AGAP1: variants seen among roughly 807,000 people sequenced by gnomAD.
AGAP1 encodes the protein arf-GAP with GTPase, ANK repeat and PH domain-containing protein 1.
AGAP1 carries 29 observed loss-of-function variants against 105.3 expected under a neutral mutation model. The observed-to-expected ratio is 0.28, with a 90% CI of 0.21 to 0.38. The LOEUF is 0.38. Ranked by LOEUF, AGAP1 falls within the 10% of genes least tolerant of loss-of-function variation. The probability of loss-of-function intolerance (pLI) is 1.00; values close to 1 mark genes in which losing one functional copy is unlikely to be tolerated. For missense variants in AGAP1, 998 were observed against 1,165.1 expected, an observed-to-expected ratio of 0.86 and a Z score of 2.09; for synonymous variants, 509 against 485.9, an observed-to-expected ratio of 1.05 and a Z score of -0.63.
chr2:235,811,594 C>T (rs1047049621), intron 9 of AGAP1, among the ~76,000 whole-genome samples: 2 of 152,186 alleles, frequency 1.3e-5, no homozygotes, highest in Non-Finnish European at 2.9e-5. Context: ...GTCCCTGGTT[C>T]GTGGTTGGAC....
chr2:236,120,522 T>C lies in AGAP1; in HGVS notation c.2370+75T>C. The C allele has an allele frequency of 2.5e-6, 4 of 1,581,528 alleles. No individual in the cohort carries two copies. The highest frequency in any genetic ancestry group is 3.4e-6 in the Non-Finnish European group (4 of 1,165,994). ...CTGCTTTGTTCTGCTTCCGTGGGCA[T>C]CTTTCTGGCAGAAGGCTGTTGTTCT... On this transcript the variant is annotated intron_variant, in intron 17 of 17. Coordinates refer to ENST00000304032, the MANE Select transcript of AGAP1 (RefSeq NM_001037131.3). The surrounding 1 kb of genome is among the most constrained non-coding windows in gnomAD (Gnocchi z 6.0).
intron 13 of AGAP1, among the ~76,000 whole-genome samples, chr2:236,021,243 G>A (rs910944362): frequency 5.3e-5 from 8 of 151,552 alleles, no homozygotes; most frequent in Non-Finnish European, 4.4e-5. Context: ...TAGAATTGAC[G>A]TTTTGGGAAG....
intron 1 of AGAP1, among the ~76,000 whole-genome samples, chr2:235,651,839 G>A (rs546286699): frequency 3.2e-4 from 48 of 152,116 alleles, no homozygotes; most frequent in Admixed American, 1.0e-3. Context: ...ATTTATACTC[G>A]TATCTTGTTC....
intron 1 of AGAP1, among the ~76,000 whole-genome samples, chr2:235,572,155 A>G (rs185342108): frequency 4.6e-5 from 7 of 151,814 alleles, no homozygotes; most frequent in South Asian, 4.2e-4. Context: ...GGCAAATGCA[A>G]TGAAGAAAGT....
chr2:235,956,270 G>T (rs1259271007), intron 12 of AGAP1, among the ~76,000 whole-genome samples: 1 of 152,196 alleles, frequency 6.6e-6, no homozygotes, highest in Non-Finnish European at 1.5e-5. Flanking sequence ...ATTTATCGGA[G>T]TTCACCGTAT....
At chr2:236,075,572 C>G (rs2058614597) in intron 16 of AGAP1, among the ~76,000 whole-genome samples, 2 of 152,116 alleles carry the variant, frequency 1.3e-5, no homozygotes, top group Admixed American at 6.5e-5. Flanking sequence ...AAATATGGGA[C>G]CTGCCAGGGT....
intron 3 of AGAP1, among the ~76,000 whole-genome samples, chr2:235,722,835 A>T (rs906358137): frequency 6.6e-6 from 1 of 152,130 alleles, no homozygotes; most frequent in South Asian, 2.1e-4. Context: ...TTGGAAGAGG[A>T]AGAATTGTCT....
intron 11 of AGAP1, among the ~76,000 whole-genome samples, chr2:235,926,075 G>T (rs1434240533): frequency 6.6e-6 from 1 of 152,204 alleles, no homozygotes; most frequent in Non-Finnish European, 1.5e-5. Flanking sequence ...AACACATAGG[G>T]CAGGTATTGC....
At chr2:236,091,447 A>G (rs2059057819) in intron 16 of AGAP1, among the ~76,000 whole-genome samples, 1 of 152,216 alleles carries the variant, frequency 6.6e-6, no homozygotes, top group South Asian at 2.1e-4. Flanking sequence ...ATGACCCAGC[A>G]GGTGCACTAT....
In AGAP1 at chr2:236,078,904, A is replaced by G. The variant is rs1232806392; in HGVS notation, c.2114+29623A>G. Reference sequence around the variant, plus strand: ...TTTCTCACTTCCAGCTCTGTTCTTCATTCCAGCAGAAGGTCCAGCCTCACA... The same window carrying G: ...TTTCTCACTTCCAGCTCTGTTCTTCGTTCCAGCAGAAGGTCCAGCCTCACA... On this transcript the variant is annotated intron_variant, in intron 16 of 17. Transcript: ENST00000304032. The surrounding 1 kb of genome is among the most constrained non-coding windows in gnomAD (Gnocchi z 5.3). Among the ~76,000 whole-genome samples the G allele has an allele frequency of 1.3e-5, 2 of 152,144 alleles. No individual in the cohort carries two copies. Among genetic ancestry groups the G allele is most frequent in the African/African-American group, 4.8e-5 (2 of 41,440 alleles).
At chr2:235,978,827 C>A (rs368147048) in intron 13 of AGAP1, among the ~76,000 whole-genome samples, 1 of 152,082 alleles carries the variant, frequency 6.6e-6, no homozygotes, top group East Asian at 1.9e-4. Flanking sequence ...AGCAGTCATT[C>A]CTTTGCTGGT....
intron 15 of AGAP1, among the ~76,000 whole-genome samples, chr2:236,047,467 G>C (rs1280123214): frequency 1.3e-5 from 2 of 151,694 alleles, no homozygotes; most frequent in African/African-American, 2.4e-5. Context: ...CATTGGTTCT[G>C]ACTGCGCTTT....
intron 16 of AGAP1, among the ~76,000 whole-genome samples, chr2:236,102,701 G>C (rs1370984514): frequency 6.6e-6 from 1 of 152,126 alleles, no homozygotes; most frequent in African/African-American, 2.4e-5. Flanking sequence ...ATGGCAGGAA[G>C]GGGCTCAGAG....
Position 235,625,599 on chromosome 2 carries a change from G to A in AGAP1, c.164-83580G>A, listed in dbSNP as rs1946613014. ...TTTATAAACTTCAGCTTAAAAGGTG[G>A]GGTTAATAGGGAACAACATAAATGA... On this transcript the variant is annotated intron_variant, in intron 1 of 17. Coordinates refer to ENST00000304032, the MANE Select transcript of AGAP1 (RefSeq NM_001037131.3). The surrounding 1 kb of genome is among the most constrained non-coding windows in gnomAD (Gnocchi z 4.0). Among the ~76,000 whole-genome samples, 1 of 152,164 alleles carries A rather than the reference G, an allele frequency of 6.6e-6. No homozygotes were observed. The highest frequency in any genetic ancestry group is 1.5e-5 in the Non-Finnish European group (1 of 68,050).
chr2:235,693,728 A>G (rs950575658), intron 1 of AGAP1, among the ~76,000 whole-genome samples: 2 of 152,210 alleles, frequency 1.3e-5, no homozygotes, highest in African/African-American at 4.8e-5. Context: ...AGTACTTGCT[A>G]TTCTCATAGG....
chr2:235,678,203 A>C (rs1416768123), intron 1 of AGAP1, among the ~76,000 whole-genome samples: 1 of 151,996 alleles, frequency 6.6e-6, no homozygotes, highest in Non-Finnish European at 1.5e-5. Context: ...TAGAATCCCA[A>C]CCTTCTGAGA....
At chr2:236,069,317 A>G (rs539281681) in intron 16 of AGAP1, among the ~76,000 whole-genome samples, 1 of 152,314 alleles carries the variant, frequency 6.6e-6, no homozygotes, top group Admixed American at 6.5e-5. Context: ...ATATCATAAA[A>G]TCTTACATTT....
At position 235,582,906 on chromosome 2, in the gene AGAP1, C is replaced by T. The variant is rs534085593; in HGVS notation, c.163+88057C>T. 3.9e-5 allele frequency among the ~76,000 whole-genome samples: 6 copies of T among 152,352 alleles called. No homozygotes were observed. The highest frequency in any genetic ancestry group is 1.2e-4 in the African/African-American group (5 of 41,578). ...GGTGAGCCTTTGATGGAGTGTGTTC[C>T]GGAATCGGGAGGAAGCTTGTAAGGC... On this transcript the variant is annotated intron_variant, in intron 1 of 17. Transcript: ENST00000304032. This position sits in a 1 kb window ranked among gnomAD's most constrained non-coding sequence, Gnocchi z 4.7.
In AGAP1 at chr2:235,867,536, A is replaced by AGTGTGTGTGTGTGTGTGTGTGTGTGTGT. The variant is rs61257818; in HGVS notation, c.1051-15797_1051-15770dup. Among the ~76,000 whole-genome samples the AGTGTGTGTGTGTGTGTGTGTGTGTGTGT allele has an allele frequency of 8.1e-5, 10 of 123,240 alleles. No homozygotes were observed. Among genetic ancestry groups the AGTGTGTGTGTGTGTGTGTGTGTGTGTGT allele is most frequent in the African/African-American group, 2.6e-4 (9 of 35,010 alleles). 80.9% of individuals were successfully genotyped at this position (123,240 alleles called of 152,430 possible). A position where few individuals can be genotyped will look rare whatever the true frequency, so the allele number is the denominator to read the frequency against. ...ATCATACACCTTATGCTGGTGCTGC[A>AGTGTGTGTGTGTGTGTGTGTGTGTGTGT]GTGTGTGTGTGTGTGTGTGTGTGTG... is the stretch of plus-strand genomic sequence containing the variant. On this transcript the variant is annotated intron_variant, in intron 9 of 17. Transcript: ENST00000304032. The surrounding 1 kb of genome is among the most constrained non-coding windows in gnomAD (Gnocchi z 5.4).
Sources: gnomAD v4.1 joint callset for allele counts (sites outside exome capture counted in the v4.1 genomes callset) on GRCh38, gnomAD v4.1.1 for gene constraint, Gnocchi (gnomAD v3.1) non-coding constraint, MANE v1.5 for transcripts, NCBI Gene and HGNC (gene_info 2026-07-23, HGNC 2026-07-21) for gene names.